Variants in ATP8A1 observed in about 807,000 individuals in gnomAD.
The protein encoded by ATP8A1 is ATPase phospholipid transporting 8A1.
ATP8A1 carries 90 observed loss-of-function variants against 177.7 expected under a neutral mutation model. The ratio of observed to expected loss-of-function variants is 0.51; its 90% CI spans 0.43 to 0.60. The LOEUF (loss-of-function observed/expected upper bound fraction) is 0.60, where lower values mean the gene tolerates loss of function less well. Ranked by LOEUF, ATP8A1 falls within the 20% of genes least tolerant of loss-of-function variation. The pLI is 0.00. For missense variants in ATP8A1, 1,072 were observed against 1,392.8 expected (o/e 0.77, Z 3.67); for synonymous variants, 493 against 485.9 (o/e 1.01, Z -0.19).
intron 24 of ATP8A1, among the ~76,000 whole-genome samples, chr4:42,488,578 T>C (rs114583382): frequency 0.015 from 2,321 of 151,548 alleles, 64 homozygotes; most frequent in African/African-American, 0.053. Flanking sequence ...ATCTTGTCTC[T>C]TCTTGCTTTA....
At chr4:42,470,936 T>G (rs957807912) in intron 25 of ATP8A1, among the ~76,000 whole-genome samples, 13 of 152,214 alleles carry the variant, frequency 8.5e-5, no homozygotes, top group Non-Finnish European at 1.5e-4. Context: ...ACTCATATTT[T>G]GTTGACTATT....
chr4:42,610,211 G>A (rs28759333), intron 5 of ATP8A1, among the ~76,000 whole-genome samples: 1 of 148,480 alleles, frequency 6.7e-6, no homozygotes. Flanking sequence ...TTATCTTCCC[G>A]ACAAGATTAT....
In ATP8A1 at chr4:42,412,873, C is replaced by G; in HGVS notation, c.*43G>C. 1 of 1,568,608 alleles carries G rather than the reference C, an allele frequency of 6.4e-7. No homozygotes were observed. The highest frequency in any genetic ancestry group is 1.1e-5 in the South Asian group (1 of 89,498). On this transcript the variant is annotated 3_prime_UTR_variant, in exon 37 of 37. Coordinates refer to ENST00000381668, the MANE Select transcript of ATP8A1 (RefSeq NM_006095.2). ...AGACTGCGGTGACAACCTGGTAGCTCTCCTTAGAGAGGTAACAGAGCCTGC... is the reference window on the plus strand; with the variant it reads ...AGACTGCGGTGACAACCTGGTAGCTGTCCTTAGAGAGGTAACAGAGCCTGC...
chr4:42,626,014 G>A (rs997560450), intron 2 of ATP8A1: 2 of 189,904 alleles, frequency 1.1e-5, no homozygotes, highest in African/African-American at 4.7e-5. Context: ...TGGAGTTAAA[G>A]GGCTCCAGCC....
chr4:42,535,535 T>C lies in ATP8A1; in HGVS notation c.1722+8382A>G, dbSNP rs138735980. Among the ~76,000 whole-genome samples the C allele has an allele frequency of 7.9e-5, 12 of 152,292 alleles. 1 individual carries two copies. The East Asian group carries it at 2.3e-3, about 29-fold the overall frequency. ...TAGTGGGGGACTTCAAATACTCCAG[T>C]GACAGCACTAGATAGGTCATCAAGA... On this transcript the variant is annotated intron_variant, in intron 20 of 36. Transcript: ENST00000381668.
chr4:42,447,358 T>G (rs1189715207), intron 30 of ATP8A1, among the ~76,000 whole-genome samples: 1 of 152,106 alleles, frequency 6.6e-6, no homozygotes, highest in East Asian at 1.9e-4. Flanking sequence ...AATTTTGTTA[T>G]TTTTAGTAGA....
chr4:42,489,520 A>G (rs1560382515), intron 24 of ATP8A1, among the ~76,000 whole-genome samples: 1 of 152,230 alleles, frequency 6.6e-6, no homozygotes, highest in Admixed American at 6.5e-5. Context: ...AACTTCTCAC[A>G]GTGAATTCAC....
Position 42,486,161 on chromosome 4 carries a change from G to A in ATP8A1, c.2152-493C>T, listed in dbSNP as rs184862334. On this transcript the variant is annotated intron_variant, in intron 24 of 36. Coordinates refer to ENST00000381668, the MANE Select transcript of ATP8A1 (RefSeq NM_006095.2). ...ACGCGTTCACCCCACCGCTGTGTCC[G>A]GTTTCCATTGGCTGGAATGGGACCT... is the stretch of plus-strand genomic sequence containing the variant. 1.2e-4 allele frequency among the ~76,000 whole-genome samples: 19 copies of A among 152,272 alleles called. No individual in the cohort carries two copies. The East Asian group carries it at 2.7e-3, about 22-fold the overall frequency.
intron 1 of ATP8A1, among the ~76,000 whole-genome samples, chr4:42,640,351 G>T (rs1196072551): frequency 6.6e-6 from 1 of 152,158 alleles, no homozygotes; most frequent in African/African-American, 2.4e-5. Flanking sequence ...AGACCAAAAA[G>T]AAATGTTTCC....
At chr4:42,646,575 TGACTCA>T (rs1311441175) in intron 1 of ATP8A1, among the ~76,000 whole-genome samples, 2 of 152,146 alleles carry the variant, frequency 1.3e-5, no homozygotes, top group Non-Finnish European at 2.9e-5. Flanking sequence ...ACCATCTCTT[TGACTCA>T]ACCCTGCATA....
intron 6 of ATP8A1, among the ~76,000 whole-genome samples, chr4:42,595,717 T>C (rs1469495807): frequency 6.6e-6 from 1 of 152,228 alleles, no homozygotes; most frequent in Admixed American, 6.5e-5. Context: ...AACTCCTGTA[T>C]GTTAATGTTT....
At chr4:42,612,070 G>T (rs1300972408) in intron 5 of ATP8A1, among the ~76,000 whole-genome samples, 1 of 151,922 alleles carries the variant, frequency 6.6e-6, no homozygotes, top group African/African-American at 2.4e-5. Context: ...GTGAAGCAAG[G>T]GTTAAATGAT....
chr4:42,567,356 T>C (rs1731459896), intron 15 of ATP8A1, among the ~76,000 whole-genome samples: 1 of 152,050 alleles, frequency 6.6e-6, no homozygotes, highest in Non-Finnish European at 1.5e-5. Flanking sequence ...CTGGCCAACA[T>C]AGTAAAACCC....
In ATP8A1 at chr4:42,626,975, C is replaced by T. The variant is rs756339971; in HGVS notation, c.164+20G>A. ...TCTGCTCTGCTGGCTGGTCTCATGG[C>T]ATTCTTTGGTAGTTCTTACCTGACA... is the stretch of plus-strand genomic sequence containing the variant. On this transcript the variant is annotated intron_variant, in intron 2 of 36. Coordinates refer to ENST00000381668, the MANE Select transcript of ATP8A1 (RefSeq NM_006095.2). 3 of 1,584,244 alleles carry T rather than the reference C, an allele frequency of 1.9e-6. No individual in the cohort carries two copies. Among genetic ancestry groups the T allele is most frequent in the South Asian group, 1.1e-5 (1 of 90,344 alleles).
rs568976344 is a variant in ATP8A1 at position 42,410,402 on chromosome 4, C to A, written c.*2514G>T. On this transcript the variant is annotated 3_prime_UTR_variant, in exon 37 of 37. Coordinates refer to ENST00000381668, the MANE Select transcript of ATP8A1 (RefSeq NM_006095.2). ...ATTGAAGAGTACGTGCCCTTTATTTCAAAAAAACACATGTTAAAAGTCACA... is the reference window on the plus strand; with the variant it reads ...ATTGAAGAGTACGTGCCCTTTATTTAAAAAAAACACATGTTAAAAGTCACA... 2.3e-4 allele frequency: 35 copies of A among 151,954 alleles called. No homozygotes were observed. The highest frequency in any genetic ancestry group is 3.8e-4 in the Non-Finnish European group (26 of 67,960). 9.4% of individuals were successfully genotyped at this position (151,954 alleles called of 1,614,324 possible).
chr4:42,486,579 A>G (rs531938588), intron 24 of ATP8A1, among the ~76,000 whole-genome samples: 8 of 152,220 alleles, frequency 5.3e-5, no homozygotes, highest in Non-Finnish European at 1.2e-4. Context: ...TATTTTCAGT[A>G]AATTCTTTTG....
intron 5 of ATP8A1, among the ~76,000 whole-genome samples, chr4:42,605,254 T>G (rs1577686621): frequency 6.6e-6 from 1 of 152,124 alleles, no homozygotes; most frequent in African/African-American, 2.4e-5. Context: ...GACATCTCAG[T>G]TTTATAAGTG....
intron 33 of ATP8A1, among the ~76,000 whole-genome samples, chr4:42,435,010 G>A (rs879683356): frequency 2.0e-5 from 3 of 152,156 alleles, no homozygotes; most frequent in African/African-American, 7.2e-5. Flanking sequence ...TGAAAAATAT[G>A]CCATAAAGTA....
At chr4:42,580,231 C>A (rs78540459) in intron 10 of ATP8A1, among the ~76,000 whole-genome samples, 1 of 152,148 alleles carries the variant, frequency 6.6e-6, no homozygotes, top group Non-Finnish European at 1.5e-5. Context: ...AAATTACATT[C>A]CCTTTGCAAA....
Sources: allele counts gnomAD v4.1 joint callset (sites outside exome capture counted in the v4.1 genomes callset), GRCh38; gene constraint gnomAD v4.1.1; transcripts MANE v1.5; gene names NCBI Gene and HGNC (gene_info 2026-07-23, HGNC 2026-07-21).